The following FMNL3 variants were observed in gnomAD, a reference collection of about 807,000 sequenced individuals.
FMNL3 encodes the protein formin like 3, also known as formin-like protein 3.
FMNL3 carries 57 observed loss-of-function variants against 119.6 expected under a neutral mutation model. The ratio of observed to expected loss-of-function variants is 0.48; its 90% CI spans 0.39 to 0.59. The LOEUF (loss-of-function observed/expected upper bound fraction) is 0.59. FMNL3 is among the 20% of genes least tolerant of loss of function. The pLI is 0.00. For synonymous variants in FMNL3, 491 were observed against 507.3 expected, an observed-to-expected ratio of 0.97 and a Z score of 0.43; for missense variants, 1,053 against 1,323.5, an observed-to-expected ratio of 0.80 and a Z score of 3.17.
chr12:49,668,533 C>G lies in FMNL3; in HGVS notation c.148G>C (p.Asp50His). The G allele has an allele frequency of 3.1e-6, 5 of 1,614,154 alleles. No homozygotes were observed. Among genetic ancestry groups the G allele is most frequent in the Non-Finnish European group, 4.2e-6 (5 of 1,180,004 alleles). ...TACTGCCGCAGGAGCCGGGCCTTGT[C>G]TGGAGGCAGGTTCATGGAGCTCTGA... ...LVLSSMNLPP[D>H]KARLLRQYDN... The change falls in exon 2 of 26, where the codon GAC becomes CAC. Residue 50 changes from aspartate to histidine, a missense_variant. Physicochemically the swap from Asp to His is moderately conservative, Grantham distance 81 (BLOSUM62 -1). Around this residue, in one of 4 missense-constraint regions of FMNL3, gnomAD observed 264 missense variants for 265.5 expected, o/e 0.99. Coordinates refer to ENST00000335154, the MANE Select transcript of FMNL3 (RefSeq NM_175736.5).
At position 49,644,508 on chromosome 12, in the gene FMNL3, C is replaced by T. The variant is rs765448776; in HGVS notation, c.*1307G>A. ...CAGGGAAGAGTCACAGGCTGTTGGA[C>T]GCAGCCTGGGTGGCAGAGGGCAGGG... is the stretch of plus-strand genomic sequence containing the variant. On this transcript the variant is annotated 3_prime_UTR_variant, in exon 26 of 26. Coordinates refer to ENST00000335154, the MANE Select transcript of FMNL3 (RefSeq NM_175736.5). 1.1e-5 allele frequency: 4 copies of T among 377,536 alleles called. No homozygotes were observed. Among genetic ancestry groups the T allele is most frequent in the African/African-American group, 4.1e-5 (2 of 49,096 alleles). The allele number at this position is 377,536 out of a possible 1,614,324, so 23.4% of individuals were successfully genotyped here.
rs1029951703 is a variant in FMNL3 at position 49,649,018 on chromosome 12, G to A, written c.2515+11C>T. Reference sequence around the variant, plus strand: ...TGTGAGGGCAGGCCCACCCAGCCAGGCTCTCCTCACCTGCTGCAGCCTTCT... The same window carrying A: ...TGTGAGGGCAGGCCCACCCAGCCAGACTCTCCTCACCTGCTGCAGCCTTCT... On this transcript the variant is annotated intron_variant, in intron 21 of 25. Coordinates refer to ENST00000335154, the MANE Select transcript of FMNL3 (RefSeq NM_175736.5). The surrounding 1 kb of genome is among the most constrained non-coding windows in gnomAD (Gnocchi z 5.6). The A allele has an allele frequency of 2.6e-5, 41 of 1,576,658 alleles. No individual in the cohort carries two copies. Among genetic ancestry groups the A allele is most frequent in the Non-Finnish European group, 3.4e-5 (39 of 1,161,758 alleles).
intron 6 of FMNL3, among the ~76,000 whole-genome samples, chr12:49,658,072 T>C (rs569394880): frequency 8.6e-5 from 13 of 151,654 alleles, no homozygotes; most frequent in Middle Eastern, 6.8e-3. Flanking sequence ...GGAAACAGAA[T>C]GAGAGTAGGA....
At chr12:49,665,949 G>A (rs1943879076) in intron 3 of FMNL3, 41 bp from the exon 4 acceptor site, 1 of 1,603,352 alleles carries the variant, frequency 6.2e-7, no homozygotes, top group South Asian at 1.1e-5. Context: ...CAAGAGGGCA[G>A]TTATAGACTT....
At chr12:49,665,553 G>A (rs1943866614) in intron 4 of FMNL3, among the ~76,000 whole-genome samples, 1 of 152,206 alleles carries the variant, frequency 6.6e-6, no homozygotes, top group South Asian at 2.1e-4. Flanking sequence ...CTCAACTGCT[G>A]TGGGAATGTC....
rs956845116 is a variant in FMNL3, at chr12:49,642,785, T to A, written c.*3030A>T. 1.4e-6 allele frequency: 2 copies of A among 1,437,846 alleles called. No homozygotes were observed. Among genetic ancestry groups the A allele is most frequent in the Non-Finnish European group, 1.9e-6 (2 of 1,045,184 alleles). 89.1% of individuals were successfully genotyped at this position (1,437,846 alleles called of 1,614,324 possible). Reference sequence around the variant, plus strand: ...TACCCTTAGGGCACTCCTGGCCAGCTAAGGAAGGGGAGGCCTGAGGATCCC... The same window carrying A: ...TACCCTTAGGGCACTCCTGGCCAGCAAAGGAAGGGGAGGCCTGAGGATCCC... On this transcript the variant is annotated 3_prime_UTR_variant, in exon 26 of 26. Transcript: ENST00000335154. This position sits in a 1 kb window ranked among gnomAD's most constrained non-coding sequence, Gnocchi z 5.8.
intron 4 of FMNL3, among the ~76,000 whole-genome samples, chr12:49,662,527 G>A (rs936242468): frequency 2.0e-5 from 3 of 152,264 alleles, no homozygotes; most frequent in Admixed American, 2.0e-4. Flanking sequence ...CTCTGGAACA[G>A]AGGCATCCTG....
chr12:49,707,152 AC>A lies in FMNL3; in HGVS notation c.28del (p.Val10SerfsTer33), dbSNP rs35397383. 6.3e-7 allele frequency: 1 copy of A among 1,588,180 alleles called. No individual in the cohort carries two copies. Among genetic ancestry groups the A allele is most frequent in the Non-Finnish European group, 8.6e-7 (1 of 1,168,838 alleles). On this transcript the variant is annotated frameshift_variant, in exon 1 of 26. Coordinates refer to ENST00000335154, the MANE Select transcript of FMNL3 (RefSeq NM_175736.5). LOFTEE classifies it high-confidence loss of function. ...CGGGACAGAGGGGGGCTCTCCCGGG[AC>A]CCCCTCGGCGCTCTCCAGGTTGCCC... MGNLESAEG[V>X]PGEPPSVPLL...
intron 1 of FMNL3, among the ~76,000 whole-genome samples, chr12:49,692,853 G>A (rs755844389): frequency 3.9e-5 from 6 of 152,222 alleles, no homozygotes; most frequent in Non-Finnish European, 7.3e-5. Context: ...AAGTGGGGAA[G>A]ATCTGAGAGG....
intron 7 of FMNL3, 21 bp downstream of exon 7, chr12:49,657,061 T>A (rs1244055393): frequency 1.2e-6 from 2 of 1,603,932 alleles, no homozygotes; most frequent in Non-Finnish European, 8.5e-7. Context: ...AGAGCACCTA[T>A]GGCTAGTGCT....
intron 1 of FMNL3, among the ~76,000 whole-genome samples, chr12:49,671,296 C>T (rs1156618848): frequency 6.6e-6 from 1 of 152,246 alleles, no homozygotes; most frequent in Non-Finnish European, 1.5e-5. Flanking sequence ...TCTAGATCCC[C>T]AGGAAGGAAT....
At chr12:49,675,662 G>C (rs892324959) in intron 1 of FMNL3, among the ~76,000 whole-genome samples, 6 of 152,174 alleles carry the variant, frequency 3.9e-5, no homozygotes, top group Non-Finnish European at 8.8e-5. Flanking sequence ...CGCCCTCTGG[G>C]ATAAGCTTCT....
chr12:49,665,771 C>T (rs2138848685), intron 4 of FMNL3, 61 bp downstream of exon 4: 1 of 1,544,632 alleles, frequency 6.5e-7, no homozygotes, highest in East Asian at 2.2e-5. Flanking sequence ...ACACCAGACC[C>T]TGTGTGCCCA....
chr12:49,689,588 A>C (rs1286888836), intron 1 of FMNL3, among the ~76,000 whole-genome samples: 1 of 152,200 alleles, frequency 6.6e-6, no homozygotes, highest in Non-Finnish European at 1.5e-5. Flanking sequence ...AGTAAGAAGC[A>C]CAACTGTAGT....
chr12:49,647,314 T>C lies in FMNL3; in HGVS notation c.2833A>G (p.Lys945Glu). 1 of 1,613,964 alleles carries C rather than the reference T, an allele frequency of 6.2e-7. No individual in the cohort carries two copies. The highest frequency in any genetic ancestry group is 1.6e-4 in the Middle Eastern group (1 of 6,062). The change falls in exon 24 of 26, where the codon AAG (lysine) becomes GAG (glutamate). Residue 945 changes from lysine to glutamate, a missense_variant. By Grantham distance (56) the Lys-to-Glu change is moderately conservative (BLOSUM62 1). Transcript: ENST00000335154. The surrounding 1 kb of genome is among the most constrained non-coding windows in gnomAD (Gnocchi z 4.9). ...TTCTTGGCTTCCTGAGCCAGCTGCT[T>C]CTCCCGCATTACCTCCTCCTGCTTC... ...RKKQEEVMRE[K>E]QLAQEAKKLD...
intron 1 of FMNL3, among the ~76,000 whole-genome samples, chr12:49,694,752 A>T (rs1281681570): frequency 6.6e-6 from 1 of 152,058 alleles, no homozygotes; most frequent in African/African-American, 2.4e-5. Flanking sequence ...TCTACTAAAA[A>T]CTACCAAAAA....
intron 11 of FMNL3, 135 bp downstream of exon 11, chr12:49,654,057 T>C: frequency 8.7e-7 from 1 of 1,150,948 alleles, no homozygotes; most frequent in African/African-American, 1.5e-5. Flanking sequence ...GCAGAGGTCC[T>C]GAGTCCCAGG....
Position 49,643,437 on chromosome 12 carries a change from G to C in FMNL3, c.*2378C>G, listed in dbSNP as rs1284813797. ...TGAGCGTAGAAGCTGGAGAACTGTT[G>C]TCCCAGACTGAGAGGATGCCCTCCA... On this transcript the variant is annotated 3_prime_UTR_variant, in exon 26 of 26. Coordinates refer to ENST00000335154, the MANE Select transcript of FMNL3 (RefSeq NM_175736.5). The C allele has an allele frequency of 5.9e-6, 9 of 1,525,944 alleles. No homozygotes were observed. Among genetic ancestry groups the C allele is most frequent in the Non-Finnish European group, 7.9e-6 (9 of 1,139,358 alleles). The allele number at this position is 1,525,944 out of a possible 1,614,324, so 94.5% of individuals were successfully genotyped here.
In FMNL3 at chr12:49,636,708, G is replaced by A. The variant is rs1469403223; in HGVS notation, c.*9107C>T. 8 of 1,613,854 alleles carry A rather than the reference G, an allele frequency of 5.0e-6. No individual in the cohort carries two copies. In the African/African-American group the frequency reaches 5.3e-5, roughly 11 times the overall value. On this transcript the variant is annotated 3_prime_UTR_variant, in exon 26 of 26. Transcript: ENST00000335154. ...ACAATGCCCGCGGAACCTCCTGCCT[G>A]TCTTTAGACATGGACAAGGAAGATG...
Sources: gnomAD v4.1 joint callset for allele counts (sites outside exome capture counted in the v4.1 genomes callset) on GRCh38, gnomAD v4.1.1 for gene constraint, gnomAD v4.1.1 regional missense constraint, Gnocchi (gnomAD v3.1) non-coding constraint, MANE v1.5 for transcripts, NCBI Gene and HGNC (gene_info 2026-07-23, HGNC 2026-07-21) for gene names.